CDH13: variants seen among roughly 807,000 people sequenced by gnomAD.
CDH13 encodes cadherin-13.
Under a neutral mutation model 63.8 loss-of-function variants are expected in CDH13, and 24 were observed. The observed-to-expected ratio is 0.38, with a 90% CI of 0.27 to 0.53. The LOEUF (loss-of-function observed/expected upper bound fraction) is 0.53. CDH13 is among the 20% of genes least tolerant of loss of function. The pLI, the probability that CDH13 is intolerant of heterozygous loss-of-function variation, is 0.85. For missense variants in CDH13, 1,049 were observed against 903.1 expected (o/e 1.16, Z -2.07); for synonymous variants, 503 against 355.3 (o/e 1.42, Z -4.67).
intron 2 of CDH13, among the ~76,000 whole-genome samples, chr16:82,970,874 A>G (rs1281663824): frequency 1.3e-5 from 2 of 152,224 alleles, no homozygotes; most frequent in Non-Finnish European, 2.9e-5. Context: ...TTGCAAGAGC[A>G]CTTTTTTACC....
chr16:83,705,824 C>T (rs1387159306), intron 10 of CDH13, among the ~76,000 whole-genome samples: 2 of 152,130 alleles, frequency 1.3e-5, no homozygotes, highest in Non-Finnish European at 2.9e-5. Flanking sequence ...CAAGTGATCC[C>T]CAGGGTTCCT....
chr16:83,295,242 A>G (rs960814155), intron 5 of CDH13, among the ~76,000 whole-genome samples: 1 of 152,186 alleles, frequency 6.6e-6, no homozygotes, highest in South Asian at 2.1e-4. Flanking sequence ...AATGAAATAA[A>G]GATTTAAATG....
chr16:83,733,687 G>C (rs577781546), intron 10 of CDH13, among the ~76,000 whole-genome samples: 1 of 152,088 alleles, frequency 6.6e-6, no homozygotes, highest in South Asian at 2.1e-4. Flanking sequence ...ATGGTGTGTC[G>C]GTTAATCACC....
At chr16:83,076,085 C>G (rs1391200254) in intron 3 of CDH13, among the ~76,000 whole-genome samples, 1 of 152,020 alleles carries the variant, frequency 6.6e-6, no homozygotes, top group South Asian at 2.1e-4. Context: ...AGACATCCTG[C>G]CTGATGAACA....
chr16:82,699,837 T>C (rs542748144), intron 1 of CDH13, among the ~76,000 whole-genome samples: 43 of 152,342 alleles, frequency 2.8e-4, no homozygotes, highest in African/African-American at 9.1e-4. Context: ...CCATCTAGTT[T>C]TTACAAACAA....
At chr16:82,688,825 G>A (rs948476320) in intron 1 of CDH13, 1 of 152,196 alleles carries the variant, frequency 6.6e-6, no homozygotes, top group East Asian at 1.9e-4. Context: ...TTGGTCACCA[G>A]GCAGATTGAG....
At chr16:83,215,845 A>G (rs530938839) in intron 4 of CDH13, among the ~76,000 whole-genome samples, 1 of 152,092 alleles carries the variant, frequency 6.6e-6, no homozygotes, top group Non-Finnish European at 1.5e-5. Flanking sequence ...TGACCTTTCA[A>G]TTGTTTTGTT....
chr16:83,652,408 G>C (rs7203779), intron 8 of CDH13, among the ~76,000 whole-genome samples: 13,002 of 152,188 alleles, frequency 0.085, 971 homozygotes, highest in African/African-American at 0.21. Context: ...GCTTTCTCCA[G>C]TTAGAGACGG....
chr16:83,413,916 T>C (rs2092163156), intron 6 of CDH13, among the ~76,000 whole-genome samples: 1 of 152,114 alleles, frequency 6.6e-6, no homozygotes, highest in Non-Finnish European at 1.5e-5. Context: ...TGCTTGAACC[T>C]GGGAGGTGCA....
chr16:83,411,052 G>T (rs1411242231), intron 6 of CDH13, among the ~76,000 whole-genome samples: 1 of 152,262 alleles, frequency 6.6e-6, no homozygotes, highest in East Asian at 1.9e-4. Context: ...GCTTCATGCT[G>T]ATCCATCCAT....
intron 3 of CDH13, among the ~76,000 whole-genome samples, chr16:83,033,378 A>G (rs909056791): frequency 3.9e-5 from 6 of 152,154 alleles, no homozygotes; most frequent in African/African-American, 1.4e-4. Context: ...TCTCAGAGAT[A>G]AGCTGCCCAA....
At chr16:83,577,969 C>T (rs1477467063) in intron 7 of CDH13, among the ~76,000 whole-genome samples, 1 of 152,138 alleles carries the variant, frequency 6.6e-6, no homozygotes, top group Non-Finnish European at 1.5e-5. Flanking sequence ...AATGAGAGTT[C>T]ACTATTCATA....
At chr16:82,991,521 G>C (rs896684136) in intron 2 of CDH13, among the ~76,000 whole-genome samples, 2 of 152,118 alleles carry the variant, frequency 1.3e-5, no homozygotes, top group African/African-American at 4.8e-5. Flanking sequence ...TCCTGCCCAA[G>C]TCCAATTTAG....
chr16:82,767,864 C>G (rs1271616280), intron 1 of CDH13, among the ~76,000 whole-genome samples: 1 of 152,180 alleles, frequency 6.6e-6, no homozygotes, highest in East Asian at 1.9e-4. Context: ...GGTCCATGTG[C>G]TCACTTAGCT....
chr16:83,497,913 A>G (rs1210121142), intron 7 of CDH13, among the ~76,000 whole-genome samples: 1 of 152,240 alleles, frequency 6.6e-6, no homozygotes, highest in Non-Finnish European at 1.5e-5. Context: ...GATTATAGGG[A>G]CAGAAACTAA....
chr16:83,366,382 C>T (rs964060064), intron 6 of CDH13, among the ~76,000 whole-genome samples: 1 of 152,140 alleles, frequency 6.6e-6, no homozygotes, highest in African/African-American at 2.4e-5. Flanking sequence ...TACCACGAAC[C>T]GTCTTTTGAG....
intron 4 of CDH13, among the ~76,000 whole-genome samples, chr16:83,204,003 C>A (rs2039109420): frequency 6.6e-6 from 1 of 152,200 alleles, no homozygotes; most frequent in Non-Finnish European, 1.5e-5. Context: ...ACGGGCAACC[C>A]ACTGGATACA....
chr16:83,545,236 A>T (rs1185831030), intron 7 of CDH13, among the ~76,000 whole-genome samples: 2 of 152,188 alleles, frequency 1.3e-5, no homozygotes, highest in Middle Eastern at 3.2e-3. Context: ...GCACCATCTG[A>T]CATACCCAGT....
chr16:83,601,511 G>A (rs959654293), intron 7 of CDH13, among the ~76,000 whole-genome samples: 9 of 152,170 alleles, frequency 5.9e-5, no homozygotes, highest in African/African-American at 2.2e-4. Flanking sequence ...GACAGCCTGT[G>A]CGACAAAAAA....
Sources: allele counts gnomAD v4.1 joint callset (sites outside exome capture counted in the v4.1 genomes callset), GRCh38; gene constraint gnomAD v4.1.1; transcripts MANE v1.5; gene names NCBI Gene and HGNC (gene_info 2026-07-23, HGNC 2026-07-21).